The following ARMC2 variants were observed in gnomAD, a reference collection of about 807,000 sequenced individuals.
ARMC2 encodes the protein armadillo repeat-containing protein 2.
A neutral mutation model predicts 90.3 loss-of-function variants in ARMC2; 67 were observed. The observed-to-expected ratio is 0.74, with a 90% CI of 0.61 to 0.91. The LOEUF is 0.91. Among genes scored for constraint, ARMC2 ranks in the 40% least tolerant of loss-of-function variants. ARMC2 has a pLI of 0.00. For synonymous variants in ARMC2, 393 were observed against 393.0 expected (o/e 1.00, Z 0.00); for missense variants, 920 against 1,030.9 (o/e 0.89, Z 1.47).
chr6:109,049,243 C>A, the ARMC2 span, among the ~76,000 whole-genome samples: 5 of 151,938 alleles, frequency 3.3e-5, no homozygotes, highest in African/African-American at 1.2e-4. Context: ...ATGGATGGAA[C>A]TGAATTTATG....
chr6:108,986,727 C>T, the ARMC2 span: 3 of 152,204 alleles, frequency 2.0e-5, no homozygotes, highest in African/African-American at 7.2e-5. Context: ...GCAACATGTC[C>T]CACAACTTTG....
At chr6:108,955,518 G>A (rs1777513938) in intron 13 of ARMC2, among the ~76,000 whole-genome samples, 1 of 152,144 alleles carries the variant, frequency 6.6e-6, no homozygotes, top group East Asian at 1.9e-4. Flanking sequence ...AGGTCACAAA[G>A]TTAGCAAGTG....
the ARMC2 span, among the ~76,000 whole-genome samples, chr6:109,010,944 G>C: frequency 6.6e-6 from 1 of 152,168 alleles, no homozygotes; most frequent in African/African-American, 2.4e-5. Flanking sequence ...AAATGAATGA[G>C]TTGGACACAT....
Position 108,953,142 on chromosome 6 carries a change from T to C in ARMC2, c.1706T>C (p.Leu569Ser). 2 of 1,614,052 alleles carry C rather than the reference T, an allele frequency of 1.2e-6. No homozygotes were observed. The highest frequency in any genetic ancestry group is 1.7e-6 in the Non-Finnish European group (2 of 1,179,894). ...EKGSIQTLLSLFQTFHQLDLH... is the reference protein window; with the variant it reads ...EKGSIQTLLSSFQTFHQLDLH... ...GGGAGCATCCAAACTCTGCTGTCATTATTCCAGACGTTCCATCAGCTGGAT... is the reference window on the plus strand; with the variant it reads ...GGGAGCATCCAAACTCTGCTGTCATCATTCCAGACGTTCCATCAGCTGGAT... Residue 569 changes from leucine (L) to serine (S), a missense_variant, in exon 13 of 18, where the codon TTA becomes TCA. Physicochemically the swap from Leu to Ser is moderately radical, Grantham distance 145. Transcript: ENST00000392644.
At chr6:109,004,646 G>A in the ARMC2 span, among the ~76,000 whole-genome samples, 1 of 152,194 alleles carries the variant, frequency 6.6e-6, no homozygotes, top group South Asian at 2.1e-4. Flanking sequence ...TAGCCAGGAT[G>A]GTCTCAATCT....
At chr6:108,996,024 T>C in the ARMC2 span, among the ~76,000 whole-genome samples, 219 of 152,306 alleles carry the variant, frequency 1.4e-3, no homozygotes, top group Middle Eastern at 0.014. Flanking sequence ...GGACCAATCA[T>C]AATTTATAAT....
chr6:108,968,770 CTG>C (rs1778555741), intron 17 of ARMC2, among the ~76,000 whole-genome samples: 1 of 152,176 alleles, frequency 6.6e-6, no homozygotes, highest in Non-Finnish European at 1.5e-5. Flanking sequence ...AGTATGAACA[CTG>C]TTTTTGCAAA....
chr6:108,858,335 A>G, intron 3 of ARMC2, 64 bp downstream of exon 3: 1 of 1,266,846 alleles, frequency 7.9e-7, no homozygotes, highest in South Asian at 1.3e-5. Context: ...GGCCAAAAAC[A>G]CTTGGAATCA....
chr6:108,905,539 A>G (rs905147156), intron 8 of ARMC2, among the ~76,000 whole-genome samples: 4 of 137,320 alleles, frequency 2.9e-5, no homozygotes, highest in African/African-American at 5.4e-5. Context: ...AAGAGTGAGG[A>G]AAAAAAAAAA....
At chr6:108,970,800 T>TATTTTCTATACAACAGAATTC (rs1402769160) in intron 17 of ARMC2, among the ~76,000 whole-genome samples, 2 of 152,190 alleles carry the variant, frequency 1.3e-5, no homozygotes, top group African/African-American at 2.4e-5. Flanking sequence ...ACCCAGAATT[T>TATTTTCTATACAACAGAATTC]ATTTTCTATA....
chr6:108,967,761 TGTGGATACGTGGCCC>T (rs2128517880), intron 17 of ARMC2, among the ~76,000 whole-genome samples: 1 of 152,354 alleles, frequency 6.6e-6, no homozygotes, highest in Admixed American at 6.5e-5. Context: ...TGGTTGAACC[TGTGGATACGTGGCCC>T]GTGGATGCGA....
chr6:108,982,640 T>G, the ARMC2 span, among the ~76,000 whole-genome samples: 1 of 152,310 alleles, frequency 6.6e-6, no homozygotes, highest in Admixed American at 6.5e-5. Flanking sequence ...CTTGTTATTT[T>G]GGGAGTTTTA....
At chr6:108,989,424 G>GAT in the ARMC2 span, among the ~76,000 whole-genome samples, 13,651 of 149,580 alleles carry the variant, frequency 0.091, 832 homozygotes, top group Middle Eastern at 0.19. Context: ...TAGATCTAGA[G>GAT]ATATATATCT....
chr6:108,967,871 A>G (rs1036596249), intron 17 of ARMC2, among the ~76,000 whole-genome samples: 1 of 152,026 alleles, frequency 6.6e-6, no homozygotes, highest in Non-Finnish European at 1.5e-5. Flanking sequence ...GCCTTTGCAC[A>G]TGTTCTGTTT....
At chr6:109,023,699 C>G in the ARMC2 span, among the ~76,000 whole-genome samples, 1 of 151,918 alleles carries the variant, frequency 6.6e-6, no homozygotes, top group Non-Finnish European at 1.5e-5. Flanking sequence ...ACAGGCTTTG[C>G]ACATAGAATA....
At chr6:108,888,869 T>C (rs1770652534) in intron 5 of ARMC2, among the ~76,000 whole-genome samples, 1 of 152,132 alleles carries the variant, frequency 6.6e-6, no homozygotes, top group South Asian at 2.1e-4. Context: ...TCTCTCCAAG[T>C]CTCCTAAATA....
At chr6:108,991,864 T>G in the ARMC2 span, among the ~76,000 whole-genome samples, 1 of 152,318 alleles carries the variant, frequency 6.6e-6, no homozygotes, top group East Asian at 1.9e-4. Context: ...AATCTTTAGC[T>G]TGAAGCTCTC....
chr6:108,927,325 A>G (rs1026075791), intron 10 of ARMC2, among the ~76,000 whole-genome samples: 2 of 152,188 alleles, frequency 1.3e-5, no homozygotes, highest in African/African-American at 2.4e-5. Context: ...CATCACCTCT[A>G]CTTTATTGAA....
chr6:109,048,328 C>A, the ARMC2 span, among the ~76,000 whole-genome samples: 1 of 152,172 alleles, frequency 6.6e-6, no homozygotes, highest in Non-Finnish European at 1.5e-5. Context: ...GACATTCATT[C>A]CTCCACCTCC....
Sources: gnomAD v4.1 joint callset for allele counts (sites outside exome capture counted in the v4.1 genomes callset) on GRCh38, gnomAD v4.1.1 for gene constraint, MANE v1.5 for transcripts, NCBI Gene and HGNC (gene_info 2026-07-23, HGNC 2026-07-21) for gene names.